The following BMAL1 variants were observed in gnomAD, a reference collection of about 807,000 sequenced individuals.
BMAL1 encodes basic helix-loop-helix ARNT like 1, also known as basic helix-loop-helix ARNT-like protein 1.
the BMAL1 span, chr11:13,358,352 G>A: frequency 7.1e-7 from 1 of 1,402,106 alleles, no homozygotes; most frequent in Non-Finnish European, 9.4e-7. Context: ...ATTGAAAACA[G>A]TTACAACTCA....
At chr11:13,287,403 C>T in the BMAL1 span, among the ~76,000 whole-genome samples, 1 of 152,128 alleles carries the variant, frequency 6.6e-6, no homozygotes, top group African/African-American at 2.4e-5. Context: ...CACTTTGGAG[C>T]TAGAGGGTGG....
At chr11:13,312,158 CAGTGCTA>C in the BMAL1 span, among the ~76,000 whole-genome samples, 46 of 152,142 alleles carry the variant, frequency 3.0e-4, no homozygotes, top group African/African-American at 9.4e-4. Flanking sequence ...GTACTAAGTC[CAGTGCTA>C]AGTGCTATTG....
chr11:13,296,405 C>T, the BMAL1 span, among the ~76,000 whole-genome samples: 2 of 152,190 alleles, frequency 1.3e-5, no homozygotes, highest in Non-Finnish European at 2.9e-5. Flanking sequence ...GCTCCTCTCC[C>T]ACCCACAGAC....
the BMAL1 span, among the ~76,000 whole-genome samples, chr11:13,361,861 A>G: frequency 6.7e-6 from 1 of 149,946 alleles, no homozygotes; most frequent in Non-Finnish European, 1.5e-5. Flanking sequence ...GACCCACTGT[A>G]AAAACAGGGG....
chr11:13,326,237 CT>C, the BMAL1 span, among the ~76,000 whole-genome samples: 1 of 151,760 alleles, frequency 6.6e-6, no homozygotes, highest in African/African-American at 2.4e-5. Flanking sequence ...GGAGTTTGAT[CT>C]GTTACAGACT....
chr11:13,376,085 T>C, the BMAL1 span, among the ~76,000 whole-genome samples: 1 of 152,062 alleles, frequency 6.6e-6, no homozygotes, highest in Non-Finnish European at 1.5e-5. Flanking sequence ...GAGGAAGGGG[T>C]TGGCAATCTA....
At chr11:13,348,212 C>T in the BMAL1 span, among the ~76,000 whole-genome samples, 3 of 152,202 alleles carry the variant, frequency 2.0e-5, no homozygotes, top group East Asian at 3.9e-4. Context: ...CTGCAAGAAA[C>T]GTGGGCCCAG....
the BMAL1 span, among the ~76,000 whole-genome samples, chr11:13,381,837 A>G: frequency 6.6e-6 from 1 of 152,186 alleles, no homozygotes; most frequent in Non-Finnish European, 1.5e-5. Flanking sequence ...ATTTGTTTTC[A>G]TCTTTGCTGG....
the BMAL1 span, among the ~76,000 whole-genome samples, chr11:13,284,172 ATATATGTG>A: frequency 3.8e-4 from 14 of 37,036 alleles, no homozygotes; most frequent in South Asian, 7.9e-4. Context: ...GTGTATATAT[ATATATGTG>A]TATATATATA....
the BMAL1 span, among the ~76,000 whole-genome samples, chr11:13,331,273 A>T: frequency 1.3e-5 from 2 of 152,206 alleles, no homozygotes; most frequent in South Asian, 4.1e-4. Flanking sequence ...GGAATTTTGG[A>T]ATCTATTTGG....
the BMAL1 span, among the ~76,000 whole-genome samples, chr11:13,313,839 GCC>G: frequency 6.6e-6 from 1 of 152,050 alleles, no homozygotes; most frequent in South Asian, 2.1e-4. Flanking sequence ...CTTCAGCGGG[GCC>G]TGCAGTCTTC....
chr11:13,358,333 C>A, the BMAL1 span: 1 of 1,283,998 alleles, frequency 7.8e-7, no homozygotes, highest in Non-Finnish European at 1.0e-6. Context: ...TTTGCCTTGT[C>A]AGATGAACAT....
chr11:13,365,014 A>G, the BMAL1 span, among the ~76,000 whole-genome samples: 21 of 152,308 alleles, frequency 1.4e-4, no homozygotes, highest in Admixed American at 1.2e-3. Context: ...CCGAATGTTG[A>G]GAACCACTGT....
the BMAL1 span, among the ~76,000 whole-genome samples, chr11:13,280,355 T>A: frequency 1.3e-5 from 2 of 152,234 alleles, no homozygotes; most frequent in African/African-American, 4.8e-5. Context: ...TCTGTGGAAT[T>A]TATATGCTAA....
the BMAL1 span, among the ~76,000 whole-genome samples, chr11:13,321,143 C>T: frequency 6.6e-6 from 1 of 152,198 alleles, no homozygotes; most frequent in Non-Finnish European, 1.5e-5. Flanking sequence ...CTGAAAATTT[C>T]TTAAAGAATT....
chr11:13,372,535 T>C, the BMAL1 span: 1 of 1,423,614 alleles, frequency 7.0e-7, no homozygotes, highest in South Asian at 1.4e-5. Context: ...AAAAGCTGGG[T>C]GCAGTGGCTC....
the BMAL1 span, chr11:13,369,677 C>T: frequency 1.2e-6 from 2 of 1,614,128 alleles, no homozygotes; most frequent in Non-Finnish European, 1.7e-6. Context: ...TTCTGGAGCA[C>T]GACGTTCTTT....
chr11:13,276,957 ACCTGGCT>A, the BMAL1 span: 1 of 152,208 alleles, frequency 6.6e-6, no homozygotes, highest in Admixed American at 6.5e-5. Context: ...AGTGGTCAAA[ACCTGGCT>A]ACTGGAAGGA....
the BMAL1 span, chr11:13,357,020 TTA>T: frequency 1.2e-6 from 2 of 1,614,068 alleles, no homozygotes; most frequent in Non-Finnish European, 1.7e-6. The surrounding 1 kb of genome is among the most constrained non-coding windows in gnomAD (Gnocchi z 4.8). Context: ...CTCCAGAGAA[TTA>T]TGTTTTTATC....
Sources: allele counts gnomAD v4.1 joint callset (sites outside exome capture counted in the v4.1 genomes callset), GRCh38; gene constraint gnomAD v4.1.1; non-coding constraint Gnocchi (gnomAD v3.1); transcripts MANE v1.5; gene names NCBI Gene and HGNC (gene_info 2026-07-23, HGNC 2026-07-21).